Variants in SLC35A5 observed in about 807,000 individuals in gnomAD.
SLC35A5 encodes the protein solute carrier family 35 member A5, also known as UDP-sugar transporter protein SLC35A5.
Under a neutral mutation model 36.3 loss-of-function variants are expected in SLC35A5, and 28 were observed. The ratio of observed to expected loss-of-function variants is 0.77; its 90% confidence interval spans 0.57 to 1.06. SLC35A5 has a LOEUF of 1.06. SLC35A5 is among the 50% of genes least tolerant of loss of function. The pLI, the probability that SLC35A5 is intolerant of heterozygous loss-of-function variation, is 0.00. For synonymous variants in SLC35A5, 180 were observed against 173.7 expected (o/e 1.04, Z -0.29); for missense variants, 521 against 499.3 (o/e 1.04, Z -0.41).
chr3:112,570,439 A>G, intron 3 of SLC35A5, 101 bp from the exon 4 acceptor site: 1 of 1,324,056 alleles, frequency 7.6e-7, no homozygotes, highest in Non-Finnish European at 1.0e-6. Context: ...ACGTTTATAA[A>G]GCTCCCTTTA....
At chr3:112,572,857 A>G (rs1377744883) in intron 4 of SLC35A5, among the ~76,000 whole-genome samples, 1 of 152,172 alleles carries the variant, frequency 6.6e-6, no homozygotes, top group Non-Finnish European at 1.5e-5. Flanking sequence ...CCTTAATGTG[A>G]TTGATCAAGG....
rs1355754137 is a variant in SLC35A5 at position 112,583,242 on chromosome 3, G to A, written c.*506G>A. ...ACCCTTTCTAAAAACGTTGGTTGAA[G>A]GACCTAAATACCTGGCCATACCATA... On this transcript the variant is annotated 3_prime_UTR_variant, in exon 7 of 7. Coordinates refer to ENST00000492406, the MANE Select transcript of SLC35A5 (RefSeq NM_017945.5). 1 of 396,730 alleles carries A rather than the reference G, an allele frequency of 2.5e-6. No individual in the cohort carries two copies. Among genetic ancestry groups the A allele is most frequent in the African/African-American group, 2.1e-5 (1 of 48,540 alleles). 24.6% of individuals were successfully genotyped at this position (396,730 alleles called of 1,614,324 possible).
At chr3:112,574,919 C>A (rs1934602639) in intron 5 of SLC35A5, among the ~76,000 whole-genome samples, 1 of 151,934 alleles carries the variant, frequency 6.6e-6, no homozygotes, top group Non-Finnish European at 1.5e-5. Flanking sequence ...ACATTTAGCC[C>A]AGTTTAAATG....
chr3:112,569,035 G>A (rs1934318273), intron 2 of SLC35A5, 136 bp from the exon 3 acceptor site: 1 of 670,402 alleles, frequency 1.5e-6, no homozygotes, highest in Non-Finnish European at 2.4e-6. Flanking sequence ...ATCCAAAGGA[G>A]CAAAGGCAAC....
chr3:112,561,390 G>A (rs866312257), upstream of SLC35A5: 10 of 1,532,186 alleles, frequency 6.5e-6, no homozygotes, highest in Middle Eastern at 1.7e-4. Context: ...GGGGACTCCT[G>A]CGGCGCCTGG....
upstream of SLC35A5, chr3:112,561,519 C>T (rs1331024592): frequency 1.9e-6 from 3 of 1,608,228 alleles, no homozygotes; most frequent in African/African-American, 1.3e-5. Context: ...GTATTAATCA[C>T]ATTCTGCATC....
intron 6 of SLC35A5, 28 bp from the exon 7 acceptor site, chr3:112,582,643 T>C: frequency 1.3e-6 from 2 of 1,586,286 alleles, no homozygotes; most frequent in Non-Finnish European, 1.7e-6. Context: ...AGTTTTGTTC[T>C]AATTACTGCT....
At chr3:112,566,894 T>C (rs1183620998) in intron 2 of SLC35A5, among the ~76,000 whole-genome samples, 4 of 152,180 alleles carry the variant, frequency 2.6e-5, no homozygotes, top group African/African-American at 7.2e-5. Flanking sequence ...TGAGCATGTT[T>C]GTAGGCCAAG....
intron 2 of SLC35A5, among the ~76,000 whole-genome samples, chr3:112,565,733 A>C (rs1290151438): frequency 6.6e-6 from 1 of 152,172 alleles, no homozygotes; most frequent in Non-Finnish European, 1.5e-5. Context: ...AGATCATGCC[A>C]CTGCACTCCA....
At chr3:112,566,157 CAT>C (rs1934187941) in intron 2 of SLC35A5, among the ~76,000 whole-genome samples, 1 of 150,734 alleles carries the variant, frequency 6.6e-6, no homozygotes, top group African/African-American at 2.5e-5. Context: ...AAAAAGATAA[CAT>C]ATAGCTCCAA....
chr3:112,574,617 TCTTA>T (rs1934590299), intron 5 of SLC35A5, among the ~76,000 whole-genome samples: 1 of 152,138 alleles, frequency 6.6e-6, no homozygotes, highest in Non-Finnish European at 1.5e-5. Context: ...CAGTTTAATT[TCTTA>T]CTTAATGATA....
At position 112,572,949 on chromosome 3, in the gene SLC35A5, C is replaced by T. The variant is rs115337712; in HGVS notation, c.361-940C>T. On this transcript the variant is annotated intron_variant, in intron 4 of 6. Transcript: ENST00000492406. ...CTAGGGGTTCACAGGCATTTGCCTA[C>T]AGAGAAGTACACTGAGAAAACCTTA... Among the ~76,000 whole-genome samples the T allele has an allele frequency of 9.6e-3, 1,459 of 152,270 alleles. 6 individuals carry two copies. The highest frequency in any genetic ancestry group is 0.015 in the Non-Finnish European group (1,032 of 68,016).
chr3:112,562,857 C>G (rs946019430), intron 1 of SLC35A5, among the ~76,000 whole-genome samples: 1 of 152,042 alleles, frequency 6.6e-6, no homozygotes, highest in African/African-American at 2.4e-5. Context: ...GTCAGGAGTT[C>G]GAGACCAGCC....
intron 5 of SLC35A5, among the ~76,000 whole-genome samples, chr3:112,579,930 A>G (rs1047742352): frequency 1.3e-5 from 2 of 152,234 alleles, no homozygotes; most frequent in African/African-American, 4.8e-5. Flanking sequence ...AGGAAAATAA[A>G]CAAAGGATTG....
chr3:112,568,845 G>A (rs1934310955), intron 2 of SLC35A5, among the ~76,000 whole-genome samples: 1 of 152,166 alleles, frequency 6.6e-6, no homozygotes, highest in Admixed American at 6.5e-5. Context: ...GTTGATTGAT[G>A]GTCAATTTAG....
Position 112,585,200 on chromosome 3 carries a change from GGA to G in SLC35A5, c.*2472_*2473del, listed in dbSNP as rs983449812. On this transcript the variant is annotated 3_prime_UTR_variant, in exon 7 of 7. Coordinates refer to ENST00000492406, the MANE Select transcript of SLC35A5 (RefSeq NM_017945.5). ...CAAGCACCTTCTTCACAAGGCAGCAGGAGAGAGAGTGCCAACAGGGGAAATGG... is the reference window on the plus strand; with the variant it reads ...CAAGCACCTTCTTCACAAGGCAGCAGGAGAGAGTGCCAACAGGGGAAATGG... 2.0e-4 allele frequency: 31 copies of G among 151,478 alleles called. No homozygotes were observed. Among genetic ancestry groups the G allele is most frequent in the African/African-American group, 7.1e-4 (29 of 40,770 alleles). The allele number at this position is 151,478 out of a possible 1,614,324, so 9.4% of individuals were successfully genotyped here.
intron 2 of SLC35A5, 53 bp from the exon 3 acceptor site, chr3:112,569,117 TA>T (rs1934321010): frequency 7.2e-7 from 1 of 1,382,892 alleles, no homozygotes; most frequent in African/African-American, 1.5e-5. Context: ...ATACTGTATA[TA>T]AACATACATG....
chr3:112,572,103 C>T (rs1026002250), intron 4 of SLC35A5, among the ~76,000 whole-genome samples: 28 of 149,846 alleles, frequency 1.9e-4, no homozygotes, highest in Admixed American at 3.3e-4. Context: ...CCACCGCGCC[C>T]GGCTAATTTT....
intron 6 of SLC35A5, among the ~76,000 whole-genome samples, chr3:112,582,117 G>T (rs1298529427): frequency 6.6e-6 from 1 of 152,052 alleles, no homozygotes; most frequent in Non-Finnish European, 1.5e-5. Flanking sequence ...CACAAAATAT[G>T]AAATATTTTA....
Sources: allele counts gnomAD v4.1 joint callset (sites outside exome capture counted in the v4.1 genomes callset), GRCh38; gene constraint gnomAD v4.1.1; transcripts MANE v1.5; gene names NCBI Gene and HGNC (gene_info 2026-07-23, HGNC 2026-07-21).